ELL2: variants seen among roughly 807,000 people sequenced by gnomAD.
ELL2 encodes elongation factor for RNA polymerase II 2, also known as RNA polymerase II elongation factor ELL2.
A neutral mutation model predicts 72.8 loss-of-function variants in ELL2; 21 were observed. The observed-to-expected ratio is 0.29, with a 90% confidence interval of 0.20 to 0.42. The LOEUF is 0.42. ELL2 is among the 10% of genes least tolerant of loss of function. ELL2 has a pLI of 1.00. For synonymous variants in ELL2, 266 were observed against 283.2 expected, an observed-to-expected ratio of 0.94 and a Z score of 0.61; for missense variants, 568 against 772.8, an observed-to-expected ratio of 0.73 and a Z score of 3.14.
chr5:95,905,254 C>T (rs1043148933), intron 5 of ELL2, among the ~76,000 whole-genome samples: 20 of 149,540 alleles, frequency 1.3e-4, no homozygotes, highest in Admixed American at 5.3e-4. Flanking sequence ...CACACACACA[C>T]GTATATATAT....
At chr5:95,920,502 G>A (rs1049415498) in intron 2 of ELL2, among the ~76,000 whole-genome samples, 2 of 151,782 alleles carry the variant, frequency 1.3e-5, no homozygotes, top group Middle Eastern at 3.4e-3. Context: ...AGTAGAGACG[G>A]GGTTTCACCA....
intron 5 of ELL2, among the ~76,000 whole-genome samples, chr5:95,903,136 C>G (rs1749205454): frequency 6.6e-6 from 1 of 151,332 alleles, no homozygotes; most frequent in East Asian, 1.9e-4. Flanking sequence ...ATTGACACCC[C>G]CACCCCCACA....
intron 5 of ELL2, among the ~76,000 whole-genome samples, chr5:95,903,282 G>A (rs1048565431): frequency 9.0e-5 from 11 of 122,624 alleles, no homozygotes; most frequent in Non-Finnish European, 1.6e-4. Flanking sequence ...GCAGTGGCAT[G>A]ATCTCAGCTC....
At chr5:95,948,349 G>A (rs1381153186) in intron 1 of ELL2, among the ~76,000 whole-genome samples, 1 of 146,978 alleles carries the variant, frequency 6.8e-6, no homozygotes, top group Non-Finnish European at 1.5e-5. Context: ...AGAATGGCGT[G>A]AACCCGGGAG....
chr5:95,923,667 C>G (rs1327659443), intron 2 of ELL2, among the ~76,000 whole-genome samples: 2 of 151,938 alleles, frequency 1.3e-5, no homozygotes, highest in Non-Finnish European at 2.9e-5. Context: ...ATGGTATGGT[C>G]TGAGCTAAGC....
At chr5:95,912,818 A>G (rs1749655703) in intron 4 of ELL2, among the ~76,000 whole-genome samples, 1 of 152,244 alleles carries the variant, frequency 6.6e-6, no homozygotes. Flanking sequence ...AGCTGAATGT[A>G]CTGTAGCTGG....
At chr5:95,911,503 AATTT>A (rs1186783258) in intron 4 of ELL2, among the ~76,000 whole-genome samples, 5 of 151,858 alleles carry the variant, frequency 3.3e-5, no homozygotes, top group African/African-American at 1.2e-4. Flanking sequence ...ATGCCCAGTT[AATTT>A]ATTTTTGTAT....
intron 4 of ELL2, among the ~76,000 whole-genome samples, chr5:95,912,059 T>C (rs1561496912): frequency 6.6e-6 from 1 of 152,232 alleles, no homozygotes; most frequent in Non-Finnish European, 1.5e-5. Context: ...CTCCAAAATG[T>C]ATGTAAATTA....
intron 2 of ELL2, among the ~76,000 whole-genome samples, chr5:95,929,710 G>A (rs965254032): frequency 3.3e-5 from 5 of 151,328 alleles, no homozygotes; most frequent in African/African-American, 1.2e-4. Context: ...TGAAATAGAT[G>A]ACTTAAGAAT....
chr5:95,935,321 C>A (rs1338432510), intron 2 of ELL2, among the ~76,000 whole-genome samples: 1 of 152,116 alleles, frequency 6.6e-6, no homozygotes, highest in Non-Finnish European at 1.5e-5. Context: ...CACACTTAAT[C>A]TCTATTAGCC....
chr5:95,920,019 C>T (rs1749989549), intron 2 of ELL2, among the ~76,000 whole-genome samples: 2 of 152,036 alleles, frequency 1.3e-5, no homozygotes, highest in African/African-American at 4.8e-5. Flanking sequence ...AAACACATTT[C>T]ATTTTAATTC....
rs370897354 is a variant in ELL2, at chr5:95,899,318, C to T, written c.955-508G>A. ...GGCAATAGCCTGCACTTATTTTAAT[C>T]TTTAATGGGCTAAAATGCTCCAGTT... On this transcript the variant is annotated intron_variant, in intron 7 of 11. Coordinates refer to ENST00000237853, the MANE Select transcript of ELL2 (RefSeq NM_012081.6). Among the ~76,000 whole-genome samples, 44 of 152,322 alleles carry T rather than the reference C, an allele frequency of 2.9e-4. No individual in the cohort carries two copies. The South Asian group carries it at 8.9e-3, about 31-fold the overall frequency.
In ELL2 at chr5:95,891,133, C is replaced by G. The variant is rs1347554917; in HGVS notation, c.1731G>C (p.Lys577Asn). The G allele has an allele frequency of 1.9e-6, 3 of 1,614,110 alleles. No homozygotes were observed. The change falls in exon 10 of 12, where the codon AAG (lysine) becomes AAC (asparagine). Residue 577 changes from lysine (K) to asparagine (N), a missense_variant. This residue lies in a region of ELL2 where 511 missense variants were observed against 728.4 expected (regional missense o/e 0.70). Transcript: ENST00000237853. ...RRFIKLDAQR[K>N]RLSPGSKEYQ... Reference sequence around the variant, plus strand: ...ACTCTTTTGAGCCTGGAGAAAGGCGCTTTCTTTGTGCATCTAGTTTGATAA... The same window carrying G: ...ACTCTTTTGAGCCTGGAGAAAGGCGGTTTCTTTGTGCATCTAGTTTGATAA...
intron 2 of ELL2, among the ~76,000 whole-genome samples, chr5:95,935,397 G>A (rs1409924934): frequency 6.6e-6 from 1 of 152,024 alleles, no homozygotes; most frequent in Non-Finnish European, 1.5e-5. Flanking sequence ...CTAAATATTA[G>A]TAATTAAAAG....
chr5:95,890,193 C>T (rs1297430911), intron 10 of ELL2, among the ~76,000 whole-genome samples: 1 of 152,310 alleles, frequency 6.6e-6, no homozygotes, highest in East Asian at 1.9e-4. Flanking sequence ...TCACCAACCT[C>T]TTGCACCTCT....
intron 8 of ELL2, 22 bp downstream of exon 8, chr5:95,898,218 G>A: frequency 6.4e-7 from 1 of 1,558,676 alleles, no homozygotes; most frequent in Non-Finnish European, 8.7e-7. Context: ...ATGCACTTCT[G>A]GTTCATCTAA....
chr5:95,916,260 A>G (rs1749794240), intron 3 of ELL2, among the ~76,000 whole-genome samples: 2 of 152,092 alleles, frequency 1.3e-5, no homozygotes, highest in Admixed American at 6.6e-5. Flanking sequence ...GAAACACTGA[A>G]CACAAGATGA....
intron 1 of ELL2, 134 bp downstream of exon 1, chr5:95,961,441 C>T (rs1288551407): frequency 8.6e-7 from 1 of 1,165,492 alleles, no homozygotes; most frequent in Non-Finnish European, 1.1e-6. Flanking sequence ...CCGGCCCTGC[C>T]CTGCCTGGCC....
chr5:95,931,796 T>TAAAAAAAAAAA lies in ELL2; in HGVS notation c.195+11195_195+11205dup, dbSNP rs368583353. On this transcript the variant is annotated intron_variant, in intron 2 of 11. Transcript: ENST00000237853. ...CACTGCTTCCCAAGTGCCCTATCCA[T>TAAAAAAAAAAA]AAAAAAAAAAAAAAAAAAAAAAAAA... 1.2e-4 allele frequency among the ~76,000 whole-genome samples: 9 copies of TAAAAAAAAAAA among 72,526 alleles called. 2 individuals are homozygous for TAAAAAAAAAAA. The highest frequency in any genetic ancestry group is 5.9e-4 in the African/African-American group (9 of 15,264). 47.6% of individuals were successfully genotyped at this position (72,526 alleles called of 152,430 possible). A position where few individuals can be genotyped will look rare whatever the true frequency, so the allele number is the denominator to read the frequency against.
Sources: allele counts gnomAD v4.1 joint callset (sites outside exome capture counted in the v4.1 genomes callset), GRCh38; gene constraint gnomAD v4.1.1; regional missense constraint gnomAD v4.1.1; transcripts MANE v1.5; gene names NCBI Gene and HGNC (gene_info 2026-07-23, HGNC 2026-07-21).